Variants in RTTN observed in about 807,000 individuals in gnomAD.
RTTN encodes rotatin.
A neutral mutation model predicts 269.2 loss-of-function variants in RTTN; 182 were observed. The observed-to-expected ratio is 0.68, with a 90% CI of 0.60 to 0.76. The LOEUF (loss-of-function observed/expected upper bound fraction) is 0.76. RTTN is among the 30% of genes least tolerant of loss of function. RTTN has a pLI of 0.00. For missense variants in RTTN, 2,545 were observed against 2,608.6 expected (o/e 0.98, Z 0.53); for synonymous variants, 1,006 against 963.5 (o/e 1.04, Z -0.82).
At chr18:70,070,148 CA>C (rs1051201332) in intron 34 of RTTN, among the ~76,000 whole-genome samples, 96 of 152,330 alleles carry the variant, frequency 6.3e-4, no homozygotes, top group African/African-American at 2.1e-3. Flanking sequence ...CATGTCTAAC[CA>C]AAGGACCACT....
intron 18 of RTTN, among the ~76,000 whole-genome samples, chr18:70,145,307 A>C (rs1248750164): frequency 6.6e-6 from 1 of 152,234 alleles, no homozygotes; most frequent in Admixed American, 6.5e-5. Flanking sequence ...ATGTAATAAC[A>C]ATAGAAATAA....
In RTTN at chr18:70,004,236, G is replaced by T. The variant is rs750094600; in HGVS notation, c.6596C>A (p.Thr2199Asn). 1 of 1,610,052 alleles carries T rather than the reference G, an allele frequency of 6.2e-7. No homozygotes were observed. The highest frequency in any genetic ancestry group is 8.5e-7 in the Non-Finnish European group (1 of 1,176,508). Residue 2199 changes from threonine (T) to asparagine (N), a missense_variant and splice_region_variant, in exon 49 of 49, where the codon ACT becomes AAT. Transcript: ENST00000640769. ...VDEAYSLAKK[T>N]FPNSEANPLN... ...AGGGTTTGCTTCTGAGTTTGGGAAAGCTGAGATAGAAAAATAAGAGTACAG... is the reference window on the plus strand; with the variant it reads ...AGGGTTTGCTTCTGAGTTTGGGAAATCTGAGATAGAAAAATAAGAGTACAG...
In RTTN at chr18:70,191,013, T is replaced by C. The variant is rs283247; in HGVS notation, c.1008-294A>G. 0.96 allele frequency among the ~76,000 whole-genome samples: 145,767 copies of C among 152,106 alleles called. 70,166 individuals are homozygous for C. The highest frequency in any genetic ancestry group is 1 in the East Asian group (5,162 of 5,162). On this transcript the variant is annotated intron_variant, in intron 8 of 48. Transcript: ENST00000640769. ...GACCAGCCTGGCCAACATGGTGAAA[T>C]CCCACCTCTACTAAAAATACAAAAA...
At chr18:70,058,213 A>AAAAACAAAATAAAGT (rs1461372029) in intron 36 of RTTN, among the ~76,000 whole-genome samples, 11 of 152,216 alleles carry the variant, frequency 7.2e-5, no homozygotes, top group Non-Finnish European at 1.3e-4. Context: ...TTAGAAAGTA[A>AAAAACAAAATAAAGT]AAAACAAAAT....
Position 70,201,900 on chromosome 18 carries a change from G to A in RTTN, c.481C>T (p.Pro161Ser). Residue 161 changes from proline to serine, a missense_variant, in exon 4 of 49, where the codon CCA becomes TCA. Physicochemically the swap from Pro to Ser is moderately conservative, Grantham distance 74. Transcript: ENST00000640769. ...NFQQMEVPPR[P>S]VVNQTVKCLK... ...CTTCCCGACATATACACACCCACTG[G>A]TCGTGGCGGCACTTCCATCTGCTGG... The A allele has an allele frequency of 6.3e-7, 1 of 1,597,966 alleles. No homozygotes were observed. Among genetic ancestry groups the A allele is most frequent in the Non-Finnish European group, 8.6e-7 (1 of 1,165,796 alleles).
intron 17 of RTTN, among the ~76,000 whole-genome samples, chr18:70,146,123 C>T (rs1433018484): frequency 6.6e-6 from 1 of 152,046 alleles, no homozygotes; most frequent in African/African-American, 2.4e-5. Context: ...CTATTCTCCA[C>T]CATAAAAAGT....
chr18:70,176,697 T>C lies in RTTN; in HGVS notation c.1454A>G (p.Gln485Arg), dbSNP rs1438507746. ...TACCTTTTCAACAGGGAGAAGCGTT[T>C]GTAGCAGTCGAACTGCAAACAGGGA... is the stretch of plus-strand genomic sequence containing the variant. ...SISLFAVRLL[Q>R]TLLPVEKASE... Residue 485 changes from glutamine (Q) to arginine (R), a missense_variant, in exon 11 of 49, where the codon CAA becomes CGA. By Grantham distance (43) the Gln-to-Arg change is conservative (BLOSUM62 1). Transcript: ENST00000640769. 4 of 1,613,790 alleles carry C rather than the reference T, an allele frequency of 2.5e-6. No homozygotes were observed. Among genetic ancestry groups the C allele is most frequent in the Non-Finnish European group, 3.4e-6 (4 of 1,179,822 alleles).
At chr18:70,056,407 T>C (rs1213957659) in intron 37 of RTTN, among the ~76,000 whole-genome samples, 1 of 152,212 alleles carries the variant, frequency 6.6e-6, no homozygotes, top group Non-Finnish European at 1.5e-5. Flanking sequence ...ATGACATTAA[T>C]GATAACTTCA....
In RTTN at chr18:70,140,189, C is replaced by A; in HGVS notation, c.2582-1G>T. On this transcript the variant is annotated splice_acceptor_variant, in intron 19 of 48. Transcript: ENST00000640769. LOFTEE classifies it high-confidence loss of function. ...TTCACCACAGCATGCATTTTAATAT[C>A]TGTAGATAAAAAAAGTTACTAAAAG... is the stretch of plus-strand genomic sequence containing the variant. The A allele has an allele frequency of 6.5e-7, 1 of 1,530,980 alleles. No homozygotes were observed. Among genetic ancestry groups the A allele is most frequent in the Non-Finnish European group, 9.0e-7 (1 of 1,111,396 alleles). The allele number at this position is 1,530,980 out of a possible 1,614,324, so 94.8% of individuals were successfully genotyped here. A position where few individuals can be genotyped will look rare whatever the true frequency, so the allele number is the denominator to read the frequency against.
chr18:70,195,588 C>A (rs564168668), intron 7 of RTTN, among the ~76,000 whole-genome samples: 1 of 152,346 alleles, frequency 6.6e-6, no homozygotes, highest in South Asian at 2.1e-4. Flanking sequence ...CTGTGCCCAG[C>A]CTTTTAAAAT....
Position 70,088,059 on chromosome 18 carries a change from G to C in RTTN, c.4232C>G (p.Ser1411Cys), listed in dbSNP as rs778893563. 6.2e-7 allele frequency: 1 copy of C among 1,613,946 alleles called. No homozygotes were observed. Among genetic ancestry groups the C allele is most frequent in the East Asian group, 2.2e-5 (1 of 44,874 alleles). Reference sequence around the variant, plus strand: ...CACCACAGTTCCCCAGAGCCCACCGGAAATGTTCTGACAACTGTTTGCTAA... The same window carrying C: ...CACCACAGTTCCCCAGAGCCCACCGCAAATGTTCTGACAACTGTTTGCTAA... Reference protein sequence around the residue: ...VALANSCQNISGGLWGTVVNI... With the variant: ...VALANSCQNICGGLWGTVVNI... The change falls in exon 31 of 49, where the codon TCC becomes TGC. Residue 1411 changes from serine to cysteine, a missense_variant. Ser to Cys is a moderately radical substitution (Grantham distance 112, BLOSUM62 -1). Coordinates refer to ENST00000640769, the MANE Select transcript of RTTN (RefSeq NM_173630.4).
intron 32 of RTTN, 137 bp from the exon 33 acceptor site, chr18:70,075,678 A>G (rs2058410585): frequency 4.7e-6 from 3 of 632,840 alleles, no homozygotes; most frequent in African/African-American, 1.9e-5. Context: ...TTGTCCTTAC[A>G]CAGTTATAGC....
Position 70,127,510 on chromosome 18 carries a change from T to G in RTTN, c.3375A>C (p.Ala1125=). The G allele has an allele frequency of 1.2e-6, 2 of 1,613,322 alleles. No individual in the cohort carries two copies. The highest frequency in any genetic ancestry group is 8.5e-7 in the Non-Finnish European group (1 of 1,179,576). Residue 1125 remains alanine (A), a synonymous_variant, in exon 25 of 49, where the codon GCA becomes GCC. Transcript: ENST00000640769. The part of the protein sequence containing the change: ...VTLKSLAWHT[A]LNRFLQVLPA... ...CTTGACCTTACACTGACCTGTTTAG[T>G]GCGGTGTGCCAAGCCAAGGACTTCA...
intron 25 of RTTN, among the ~76,000 whole-genome samples, chr18:70,126,517 T>C (rs1034812241): frequency 1.3e-5 from 2 of 152,128 alleles, no homozygotes; most frequent in Admixed American, 1.3e-4. Flanking sequence ...ACAGTGGTAC[T>C]CCATTGTAGT....
chr18:70,076,021 A>T (rs1348483868), intron 32 of RTTN, among the ~76,000 whole-genome samples: 1 of 152,074 alleles, frequency 6.6e-6, no homozygotes, highest in African/African-American at 2.4e-5. Context: ...AATCTGTCAC[A>T]TTACTTCCCA....
chr18:70,135,199 G>T lies in RTTN; in HGVS notation c.2870C>A (p.Ser957Ter). The change falls in exon 22 of 49, where the codon TCG becomes TAG. Residue 957 changes from serine (S) to a stop codon, truncating the protein, a stop_gained. Coordinates refer to ENST00000640769, the MANE Select transcript of RTTN (RefSeq NM_173630.4). LOFTEE classifies it high-confidence loss of function. Reference sequence around the variant, plus strand: ...TATATCTCACCACATATCCATTCTCGATACTTCATCAAATAATAGAAGACA... The same window carrying T: ...TATATCTCACCACATATCCATTCTCTATACTTCATCAAATAATAGAAGACA... ...LFCLLLFDEV[S>*]RMDMWSVNPS... The T allele has an allele frequency of 6.5e-7, 1 of 1,530,534 alleles. No homozygotes were observed. The highest frequency in any genetic ancestry group is 8.8e-7 in the Non-Finnish European group (1 of 1,140,948). The allele number at this position is 1,530,534 out of a possible 1,614,324, so 94.8% of individuals were successfully genotyped here.
intron 32 of RTTN, among the ~76,000 whole-genome samples, chr18:70,084,089 T>C (rs991509496): frequency 1.3e-5 from 2 of 152,100 alleles, no homozygotes; most frequent in Admixed American, 1.3e-4. Context: ...TATGCTACTG[T>C]GCAGAGGAAG....
intron 32 of RTTN, among the ~76,000 whole-genome samples, chr18:70,078,988 T>C (rs1412481431): frequency 6.6e-6 from 1 of 152,104 alleles, no homozygotes; most frequent in Non-Finnish European, 1.5e-5. Flanking sequence ...GTAATACCAC[T>C]ATGGTACTAT....
At chr18:70,036,008 T>C (rs529474138) in intron 40 of RTTN, among the ~76,000 whole-genome samples, 1 of 152,162 alleles carries the variant, frequency 6.6e-6, no homozygotes, top group Admixed American at 6.5e-5. Context: ...TAAGATACCA[T>C]CTCACACCAG....
Sources: allele counts gnomAD v4.1 joint callset (sites outside exome capture counted in the v4.1 genomes callset), GRCh38; gene constraint gnomAD v4.1.1; transcripts MANE v1.5; gene names NCBI Gene and HGNC (gene_info 2026-07-23, HGNC 2026-07-21).